The following AKAP6 variants were observed in gnomAD, a reference collection of about 807,000 sequenced individuals.
The protein encoded by AKAP6 is A-kinase anchor protein 6.
In AKAP6, 58 loss-of-function variants were observed where a neutral mutation model predicts 188.5. That is an observed-to-expected ratio of 0.31 (90% CI 0.25 to 0.38). The LOEUF (loss-of-function observed/expected upper bound fraction) is 0.38, where lower values mean the gene tolerates loss of function less well. AKAP6 is among the 10% of genes least tolerant of loss of function. The probability of loss-of-function intolerance (pLI) is 1.00; values close to 1 mark genes in which losing one functional copy is unlikely to be tolerated. For synonymous variants in AKAP6, 989 were observed against 998.6 expected, an observed-to-expected ratio of 0.99 and a Z score of 0.18; for missense variants, 2,710 against 2,740.0, an observed-to-expected ratio of 0.99 and a Z score of 0.24.
In AKAP6 at chr14:32,551,902, G is replaced by C. The variant is rs187675428; in HGVS notation, c.2346+4903G>C. On this transcript the variant is annotated intron_variant, in intron 4 of 13. Transcript: ENST00000280979. ...AGGATGGTCTCTATCTCCTGACCTT[G>C]TGATCCGCCGGCCTCGGCCTCCCAA... Among the ~76,000 whole-genome samples, 735 of 151,960 alleles carry C rather than the reference G, an allele frequency of 4.8e-3. 4 individuals are homozygous for C. Among genetic ancestry groups the C allele is most frequent in the East Asian group, 0.013 (68 of 5,108 alleles).
At chr14:32,815,469 G>C (rs2034354484) in intron 12 of AKAP6, among the ~76,000 whole-genome samples, 1 of 152,186 alleles carries the variant, frequency 6.6e-6, no homozygotes, top group Non-Finnish European at 1.5e-5. Context: ...GAAATAGAAA[G>C]TTCTTGAGCT....
chr14:32,634,028 C>A (rs1887387141), intron 7 of AKAP6, among the ~76,000 whole-genome samples: 1 of 152,064 alleles, frequency 6.6e-6, no homozygotes, highest in Non-Finnish European at 1.5e-5. Context: ...CTCCACACAG[C>A]CTCCATCACT....
At chr14:32,565,924 G>A (rs922750526) in intron 4 of AKAP6, among the ~76,000 whole-genome samples, 1 of 152,066 alleles carries the variant, frequency 6.6e-6, no homozygotes, top group Non-Finnish European at 1.5e-5. Flanking sequence ...ATCTGTCAGG[G>A]CTCAATTTCC....
At chr14:32,353,283 C>G (rs775389637) in intron 1 of AKAP6, among the ~76,000 whole-genome samples, 10 of 152,124 alleles carry the variant, frequency 6.6e-5, no homozygotes, top group Non-Finnish European at 1.3e-4. Context: ...GGCTTTTTGG[C>G]CAGGCGCAGT....
intron 2 of AKAP6, among the ~76,000 whole-genome samples, chr14:32,485,944 G>A (rs1471534732): frequency 1.3e-5 from 2 of 152,144 alleles, no homozygotes; most frequent in African/African-American, 2.4e-5. Flanking sequence ...AGTTTTTATG[G>A]TTTTAGGCCT....
At chr14:32,452,246 C>G (rs1890967283) in intron 2 of AKAP6, among the ~76,000 whole-genome samples, 1 of 151,950 alleles carries the variant, frequency 6.6e-6, no homozygotes, top group Non-Finnish European at 1.5e-5. Context: ...GTTGCCCAGG[C>G]TGGTCTCAAA....
intron 2 of AKAP6, among the ~76,000 whole-genome samples, chr14:32,500,168 G>A (rs1294587893): frequency 6.6e-6 from 1 of 152,084 alleles, no homozygotes; most frequent in African/African-American, 2.4e-5. Flanking sequence ...CACTTAACAT[G>A]TTTCATCAGC....
intron 11 of AKAP6, among the ~76,000 whole-genome samples, chr14:32,748,693 TAGTC>T (rs1191557670): frequency 6.6e-6 from 1 of 152,162 alleles, no homozygotes; most frequent in Non-Finnish European, 1.5e-5. Context: ...AAAAAGGAGA[TAGTC>T]AGTATACCTC....
chr14:32,769,037 ATTTTTTTT>A (rs544997334), intron 11 of AKAP6, among the ~76,000 whole-genome samples: 579 of 56,924 alleles, frequency 0.01, 22 homozygotes, highest in Middle Eastern at 0.074. Flanking sequence ...TGCTCTTTTG[ATTTTTTTT>A]TTTTTTTTTT....
chr14:32,729,661 C>T (rs2031075230), intron 9 of AKAP6, among the ~76,000 whole-genome samples: 1 of 152,020 alleles, frequency 6.6e-6, no homozygotes, highest in Non-Finnish European at 1.5e-5. Context: ...CAAGCAAATA[C>T]ACTTAATAAT....
intron 9 of AKAP6, among the ~76,000 whole-genome samples, chr14:32,700,080 C>G (rs1193047849): frequency 6.6e-6 from 1 of 152,126 alleles, no homozygotes; most frequent in Non-Finnish European, 1.5e-5. Flanking sequence ...ACACCTCCTC[C>G]CCCATTCTCT....
chr14:32,814,072 T>C (rs2034318453), intron 12 of AKAP6, among the ~76,000 whole-genome samples: 1 of 152,146 alleles, frequency 6.6e-6, no homozygotes, highest in Non-Finnish European at 1.5e-5. Context: ...AGGGCCACAC[T>C]CCTAATTTCA....
chr14:32,449,182 G>A (rs1353393038), intron 2 of AKAP6, among the ~76,000 whole-genome samples: 2 of 152,116 alleles, frequency 1.3e-5, no homozygotes, highest in Non-Finnish European at 2.9e-5. Context: ...ATGTCATTGG[G>A]AGAAGTAATG....
At chr14:32,380,356 A>G (rs1888313431) in intron 1 of AKAP6, among the ~76,000 whole-genome samples, 1 of 152,058 alleles carries the variant, frequency 6.6e-6, no homozygotes, top group Admixed American at 6.6e-5. Context: ...AATTGTTTTT[A>G]TGTGTCTCTT....
At chr14:32,758,781 T>G (rs2032436703) in intron 11 of AKAP6, among the ~76,000 whole-genome samples, 1 of 152,086 alleles carries the variant, frequency 6.6e-6, no homozygotes, top group Non-Finnish European at 1.5e-5. Flanking sequence ...CTACTATGAT[T>G]AATAGGAAAT....
At chr14:32,653,354 G>T (rs1176200785) in intron 7 of AKAP6, among the ~76,000 whole-genome samples, 1 of 152,134 alleles carries the variant, frequency 6.6e-6, no homozygotes, top group East Asian at 1.9e-4. Context: ...GGCCTGGTGG[G>T]AGGTGTTTAG....
chr14:32,622,580 C>T (rs1886858947), intron 7 of AKAP6, among the ~76,000 whole-genome samples: 1 of 152,074 alleles, frequency 6.6e-6, no homozygotes, highest in Admixed American at 6.6e-5. Flanking sequence ...ATCCTCTCTC[C>T]CTCCCTCAAA....
At chr14:32,482,369 T>C (rs1879397298) in intron 2 of AKAP6, among the ~76,000 whole-genome samples, 1 of 149,034 alleles carries the variant, frequency 6.7e-6, no homozygotes, top group Non-Finnish European at 1.5e-5. Flanking sequence ...GTCATACTTT[T>C]GAGCTTTTGC....
At chr14:32,795,454 C>T (rs1423192198) in intron 12 of AKAP6, among the ~76,000 whole-genome samples, 1 of 152,178 alleles carries the variant, frequency 6.6e-6, no homozygotes, top group Non-Finnish European at 1.5e-5. Context: ...ATCAAGTCAC[C>T]TTTATCCCCA....
Sources: allele counts gnomAD v4.1 joint callset (sites outside exome capture counted in the v4.1 genomes callset), GRCh38; gene constraint gnomAD v4.1.1; transcripts MANE v1.5; gene names NCBI Gene and HGNC (gene_info 2026-07-23, HGNC 2026-07-21).